DACH2: variants seen among roughly 807,000 people sequenced by gnomAD.
The protein encoded by DACH2 is dachshund homolog 2.
In DACH2, 17 loss-of-function variants were observed where a neutral mutation model predicts 35.8. The observed-to-expected ratio is 0.48, with a 90% CI of 0.33 to 0.71. The LOEUF (loss-of-function observed/expected upper bound fraction) is 0.71, where lower values mean the gene tolerates loss of function less well. DACH2 is among the 30% of genes least tolerant of loss of function. DACH2 has a pLI of 0.02. For synonymous variants in DACH2, 195 were observed against 177.3 expected, an observed-to-expected ratio of 1.10 and a Z score of -0.79; for missense variants, 469 against 472.7, an observed-to-expected ratio of 0.99 and a Z score of 0.07.
At chrX:86,692,365 TCCACCCGCCCCA>T (rs1162765222) in intron 4 of DACH2, among the ~76,000 whole-genome samples, 1 of 108,527 alleles carries the variant, frequency 9.2e-6, no homozygotes, top group African/African-American at 3.3e-5. Flanking sequence ...CCCTCCCCCC[TCCACCCGCCCCA>T]CCTTTTCTGT....
chrX:86,669,133 T>C (rs187907053), intron 4 of DACH2, among the ~76,000 whole-genome samples: 3 of 111,046 alleles, frequency 2.7e-5, no homozygotes, highest in African/African-American at 9.8e-5. Context: ...GGTCTTAGAT[T>C]TTTTTCTTGT....
At chrX:86,793,992 T>A (rs1287301382) in intron 7 of DACH2, among the ~76,000 whole-genome samples, 1 of 112,170 alleles carries the variant, frequency 8.9e-6, no homozygotes, top group African/African-American at 3.2e-5. Flanking sequence ...TTAAAGAATG[T>A]GGGCTTTGGT....
At chrX:86,397,644 G>A (rs377686839) in intron 2 of DACH2, among the ~76,000 whole-genome samples, 23 of 111,312 alleles carry the variant, frequency 2.1e-4, no homozygotes, top group East Asian at 8.5e-4. Context: ...ATCTATTGAG[G>A]TAATCATGTG....
At chrX:86,796,179 G>C (rs956380660) in intron 7 of DACH2, among the ~76,000 whole-genome samples, 1 of 111,326 alleles carries the variant, frequency 9.0e-6, no homozygotes, top group Admixed American at 9.5e-5. Flanking sequence ...TGCTTGGTAC[G>C]TTTACAAACC....
intron 3 of DACH2, among the ~76,000 whole-genome samples, chrX:86,576,590 T>G (rs144768871): frequency 0.065 from 7,229 of 110,914 alleles, 607 homozygotes; most frequent in African/African-American, 0.22. Flanking sequence ...AAAATTTTCT[T>G]TTCAAAATTT....
chrX:86,301,861 T>G (rs1294661127), intron 1 of DACH2, among the ~76,000 whole-genome samples: 2 of 111,802 alleles, frequency 1.8e-5, no homozygotes, highest in Non-Finnish European at 3.8e-5. Context: ...TGCTATGGTC[T>G]ATACTTATGG....
intron 4 of DACH2, among the ~76,000 whole-genome samples, chrX:86,677,850 A>G (rs1052341968): frequency 1.8e-5 from 2 of 112,027 alleles, no homozygotes; most frequent in Non-Finnish European, 3.8e-5. Context: ...AACCTCATTT[A>G]TCTTCATTTC....
intron 2 of DACH2, among the ~76,000 whole-genome samples, chrX:86,382,966 C>T (rs2036068893): frequency 9.0e-6 from 1 of 110,648 alleles, no homozygotes; most frequent in African/African-American, 3.3e-5. Flanking sequence ...AATTGCCATC[C>T]TGTTTTTAGT....
intron 3 of DACH2, among the ~76,000 whole-genome samples, chrX:86,552,411 A>G (rs1315366499): frequency 9.0e-6 from 1 of 111,611 alleles, no homozygotes; most frequent in Non-Finnish European, 1.9e-5. Context: ...AGCACTAAAG[A>G]CGTATTTACT....
At chrX:86,625,313 G>T (rs745697015) in intron 3 of DACH2, among the ~76,000 whole-genome samples, 4 of 107,562 alleles carry the variant, frequency 3.7e-5, no homozygotes, top group Non-Finnish European at 7.7e-5. Context: ...TTATTTAATG[G>T]AGAAGTATTT....
chrX:86,553,457 G>T (rs772760614), intron 3 of DACH2, among the ~76,000 whole-genome samples: 1 of 111,316 alleles, frequency 9.0e-6, no homozygotes, highest in Non-Finnish European at 1.9e-5. Context: ...TGGCAACATC[G>T]TCACAGACAC....
chrX:86,291,665 T>G (rs1295362491), intron 1 of DACH2, among the ~76,000 whole-genome samples: 1 of 106,292 alleles, frequency 9.4e-6, no homozygotes, highest in African/African-American at 3.5e-5. Context: ...AGGCCTTTTC[T>G]GCATCTATTG....
At chrX:86,777,899 T>C (rs1036423147) in intron 7 of DACH2, among the ~76,000 whole-genome samples, 3 of 111,637 alleles carry the variant, frequency 2.7e-5, no homozygotes, top group South Asian at 3.7e-4. Context: ...AGGTAACATA[T>C]ATACATTTCA....
chrX:86,350,099 C>T (rs1054104493), intron 1 of DACH2, among the ~76,000 whole-genome samples: 14 of 111,989 alleles, frequency 1.3e-4, no homozygotes, highest in Non-Finnish European at 2.1e-4. Flanking sequence ...ACCTGGGAGG[C>T]GGAGGTTGCA....
At chrX:86,668,923 C>A (rs2040731359) in intron 4 of DACH2, among the ~76,000 whole-genome samples, 1 of 111,231 alleles carries the variant, frequency 9.0e-6, no homozygotes, top group Non-Finnish European at 1.9e-5. Flanking sequence ...TGACAGATAT[C>A]ATATCATTGA....
chrX:86,738,630 G>A (rs906702749), intron 6 of DACH2, among the ~76,000 whole-genome samples: 2 of 111,670 alleles, frequency 1.8e-5, no homozygotes, highest in Non-Finnish European at 3.8e-5. Context: ...TTAACTTAAT[G>A]ATTTGGATTT....
chrX:86,566,811 C>T (rs771028313), intron 3 of DACH2, among the ~76,000 whole-genome samples: 6 of 111,157 alleles, frequency 5.4e-5, no homozygotes, highest in African/African-American at 2.0e-4. Flanking sequence ...CTTTTATCCT[C>T]GCAAGTATCC....
chrX:86,595,738 A>G (rs2039703545), intron 3 of DACH2, among the ~76,000 whole-genome samples: 1 of 108,757 alleles, frequency 9.2e-6, no homozygotes, highest in Non-Finnish European at 1.9e-5. Context: ...CTATAGTTAT[A>G]TATATAGTTT....
At chrX:86,336,842 C>T (rs1388273443) in intron 1 of DACH2, among the ~76,000 whole-genome samples, 1 of 108,924 alleles carries the variant, frequency 9.2e-6, no homozygotes, top group Non-Finnish European at 1.9e-5. Flanking sequence ...CAGGTTAGAC[C>T]AATTGCTAAC....
Sources: gnomAD v4.1 joint callset for allele counts (sites outside exome capture counted in the v4.1 genomes callset) on GRCh38, gnomAD v4.1.1 for gene constraint, MANE v1.5 for transcripts, NCBI Gene and HGNC (gene_info 2026-07-23, HGNC 2026-07-21) for gene names.